Variants in PFKFB3 observed in about 807,000 individuals in gnomAD.
PFKFB3 encodes 6-phosphofructo-2-kinase/fructose-2,6-bisphosphatase 3.
PFKFB3 carries 33 observed loss-of-function variants against 68.0 expected under a neutral mutation model. The observed-to-expected ratio is 0.49, with a 90% CI of 0.37 to 0.65. The LOEUF (loss-of-function observed/expected upper bound fraction) is 0.65. Among genes scored for constraint, PFKFB3 ranks in the 30% least tolerant of loss-of-function variants. The pLI, the probability that PFKFB3 is intolerant of heterozygous loss-of-function variation, is 0.00. For missense variants in PFKFB3, 586 were observed against 712.2 expected (o/e 0.82, Z 2.02); for synonymous variants, 315 against 288.2 (o/e 1.09, Z -0.94).
intron 1 of PFKFB3, among the ~76,000 whole-genome samples, chr10:6,174,903 C>A (rs1227003094): frequency 6.6e-6 from 1 of 151,792 alleles, no homozygotes; most frequent in East Asian, 1.9e-4. Flanking sequence ...GCAACCTCCA[C>A]CTCCCAGGTT....
At chr10:6,183,614 A>AAATATAT (rs1242752213) in intron 1 of PFKFB3, among the ~76,000 whole-genome samples, 42 of 93,938 alleles carry the variant, frequency 4.5e-4, no homozygotes, top group African/African-American at 1.4e-3. Context: ...AAAAAAAAAA[A>AAATATAT]ATATATATAT....
Position 6,155,099 on chromosome 10 carries a change from T to C in PFKFB3, c.16+10086T>C, listed in dbSNP as rs149813559. Among the ~76,000 whole-genome samples, 10 of 152,318 alleles carry C rather than the reference T, an allele frequency of 6.6e-5. No homozygotes were observed. In the East Asian group the frequency reaches 1.9e-3, roughly 29 times the overall value. On this transcript the variant is annotated intron_variant, in intron 1 of 14. Coordinates refer to the PFKFB3 transcript ENST00000379789. ...AAATGACTTGGACAATGGGGGCTGA[T>C]GCTTACTGCCACTGGCAAAGAATTC...
downstream of PFKFB3, among the ~76,000 whole-genome samples, chr10:6,258,290 G>A (rs917327734): frequency 2.0e-5 from 3 of 152,210 alleles, no homozygotes; most frequent in Non-Finnish European, 2.9e-5. Context: ...TTTCAGATTG[G>A]GGAAGAGGGG....
intron 1 of PFKFB3, among the ~76,000 whole-genome samples, chr10:6,211,328 G>A (rs1043204916): frequency 7.9e-5 from 12 of 152,174 alleles, no homozygotes; most frequent in African/African-American, 1.7e-4. Context: ...CTTCCTTGGC[G>A]TGGTTCCGAC....
chr10:6,214,515 ATTTT>A (rs928357191), intron 2 of PFKFB3, among the ~76,000 whole-genome samples: 2 of 143,482 alleles, frequency 1.4e-5, no homozygotes, highest in African/African-American at 5.1e-5. Flanking sequence ...GGCACTGGGT[ATTTT>A]TTTTTTTTCA....
At chr10:6,291,839 A>G in the PFKFB3 span, among the ~76,000 whole-genome samples, 1 of 152,118 alleles carries the variant, frequency 6.6e-6, no homozygotes, top group East Asian at 1.9e-4. Flanking sequence ...AGTTAAGGCG[A>G]CAGTTCAAGC....
At chr10:6,265,272 G>A in the PFKFB3 span, among the ~76,000 whole-genome samples, 4 of 151,796 alleles carry the variant, frequency 2.6e-5, no homozygotes, top group Admixed American at 2.6e-4. Flanking sequence ...GTAGAGGCGG[G>A]GTTTCACCAT....
the PFKFB3 span, among the ~76,000 whole-genome samples, chr10:6,319,092 A>G: frequency 6.6e-6 from 1 of 152,246 alleles, no homozygotes; most frequent in Admixed American, 6.5e-5. Flanking sequence ...TCTAGATGCT[A>G]GAGATTCAGC....
At chr10:6,231,379 A>G in intron 14 of PFKFB3, 1 of 1,607,658 alleles carries the variant, frequency 6.2e-7, no homozygotes, top group Non-Finnish European at 8.5e-7. Flanking sequence ...CTGTGTGCAG[A>G]CTGGCCATCG....
downstream of PFKFB3, among the ~76,000 whole-genome samples, chr10:6,255,786 G>A (rs1209128956): frequency 1.3e-5 from 2 of 152,170 alleles, no homozygotes; most frequent in Non-Finnish European, 2.9e-5. Flanking sequence ...GGCGGGGTAC[G>A]AAGCTGATGG....
the PFKFB3 span, among the ~76,000 whole-genome samples, chr10:6,311,492 TGGG>T: frequency 4.9e-5 from 7 of 141,956 alleles, 1 homozygote; most frequent in South Asian, 1.6e-3. Flanking sequence ...AGTGGCTCTC[TGGG>T]CCCAGCACTC....
At chr10:6,254,818 T>TG (rs1353709481), downstream of PFKFB3, among the ~76,000 whole-genome samples, 5 of 129,072 alleles carry the variant, frequency 3.9e-5, no homozygotes, top group South Asian at 2.7e-4. Context: ...CTTTTTTTTT[T>TG]TTTTTTTTTT....
At chr10:6,163,820 G>C (rs959644690) in intron 1 of PFKFB3, 4 of 151,896 alleles carry the variant, frequency 2.6e-5, no homozygotes, top group Admixed American at 6.6e-5. Flanking sequence ...GTGCTGTCGC[G>C]CGCCCTCCCG....
At chr10:6,171,438 C>T (rs374914415) in intron 1 of PFKFB3, among the ~76,000 whole-genome samples, 6 of 148,340 alleles carry the variant, frequency 4.0e-5, no homozygotes, top group African/African-American at 1.0e-4. Flanking sequence ...TTCTGTTGCT[C>T]GGGTTGAAGT....
chr10:6,163,049 T>C (rs1842012503), intron 1 of PFKFB3, among the ~76,000 whole-genome samples: 1 of 152,034 alleles, frequency 6.6e-6, no homozygotes, highest in Non-Finnish European at 1.5e-5. Flanking sequence ...CATAATTGTA[T>C]CTTTCATTTG....
the PFKFB3 span, among the ~76,000 whole-genome samples, chr10:6,310,511 A>G: frequency 2.0e-5 from 3 of 152,314 alleles, no homozygotes; most frequent in East Asian, 1.9e-4. Flanking sequence ...GGAATATTTC[A>G]TAACAGCTTT....
chr10:6,187,407 C>T lies in PFKFB3; in HGVS notation c.17-26216C>T, dbSNP rs540012734. 7.2e-5 allele frequency among the ~76,000 whole-genome samples: 11 copies of T among 152,194 alleles called. No individual in the cohort carries two copies. In the East Asian group the frequency reaches 1.2e-3, roughly 16 times the overall value. On this transcript the variant is annotated intron_variant, in intron 1 of 14. Transcript: ENST00000379789. The stretch of plus-strand genomic sequence containing the variant: ...AGGGCCTTTTTGTCCTATCTCACTT[C>T]GCCTTACTGCCAGTAGTAGCTTGGT...
chr10:6,207,944 A>G (rs1024751731), intron 1 of PFKFB3, among the ~76,000 whole-genome samples: 1 of 152,188 alleles, frequency 6.6e-6, no homozygotes, highest in African/African-American at 2.4e-5. Flanking sequence ...TACCGGGCTG[A>G]GTCCTAAGAT....
chr10:6,232,954 C>T lies in PFKFB3; in HGVS notation c.*12C>T, dbSNP rs374134958. The T allele has an allele frequency of 1.0e-4, 162 of 1,604,764 alleles. No individual in the cohort carries two copies. Among genetic ancestry groups the T allele is most frequent in the Middle Eastern group, 4.9e-4 (3 of 6,068 alleles). On this transcript the variant is annotated 3_prime_UTR_variant, in exon 15 of 15. Transcript: ENST00000379775. ...CCAGGAAACACTGAGGCAGACGTGT[C>T]GGTTCCATTCCATTTCCATTTCTGC...
Sources: allele counts gnomAD v4.1 joint callset (sites outside exome capture counted in the v4.1 genomes callset), GRCh38; gene constraint gnomAD v4.1.1; transcripts MANE v1.5; gene names NCBI Gene and HGNC (gene_info 2026-07-23, HGNC 2026-07-21).